Variants in CCDC51 observed in about 807,000 individuals in gnomAD.
CCDC51 encodes the protein coiled-coil domain containing 51, also known as mitochondrial potassium channel.
CCDC51 carries 25 observed loss-of-function variants against 24.8 expected under a neutral mutation model. That is an observed-to-expected ratio of 1.01 (90% confidence interval 0.73 to 1.41). The LOEUF (loss-of-function observed/expected upper bound fraction) is 1.41. CCDC51 is among the 40% of genes most tolerant of loss of function. The probability of loss-of-function intolerance (pLI) is 0.00; values close to 1 mark genes in which losing one functional copy is unlikely to be tolerated. For synonymous variants in CCDC51, 190 were observed against 204.3 expected (o/e 0.93, Z 0.60); for missense variants, 466 against 519.1 (o/e 0.90, Z 0.99).
chr3:48,443,259 A>G (rs913748244), upstream of CCDC51, among the ~76,000 whole-genome samples: 1 of 149,884 alleles, frequency 6.7e-6, no homozygotes, highest in African/African-American at 2.5e-5. Flanking sequence ...AAAAAAAAAA[A>G]AAAAAATGCT....
In CCDC51 at chr3:48,440,003, C is replaced by T; in HGVS notation, c.-24G>A. ...TGCTGTCTACCTGCAGTGCTCTTCC[C>T]GCGCACGGCCACAGGCCTGGTAGGC... On this transcript the variant is annotated 5_prime_UTR_variant, in exon 1 of 4. Transcript: ENST00000395694. 2.0e-6 allele frequency: 1 copy of T among 494,838 alleles called. No individual in the cohort carries two copies. Among genetic ancestry groups the T allele is most frequent in the Non-Finnish European group, 3.6e-6 (1 of 281,274 alleles). The allele number at this position is 494,838 out of a possible 1,614,324, so 30.7% of individuals were successfully genotyped here. A position where few individuals can be genotyped will look rare whatever the true frequency, so the allele number is the denominator to read the frequency against.
rs1290682449 is a variant in CCDC51 at position 48,435,121 on chromosome 3, C to G, written c.8G>C (p.Gly3Ala). The G allele has an allele frequency of 1.3e-6, 2 of 1,577,140 alleles. No individual in the cohort carries two copies. The highest frequency in any genetic ancestry group is 1.3e-5 in the African/African-American group (1 of 74,130). The change falls in exon 2 of 4, where the codon GGG (glycine) becomes GCG (alanine). Residue 3 changes from glycine (G) to alanine (A), a missense_variant. Gly to Ala is a moderately conservative substitution (Grantham distance 60). Transcript: ENST00000395694. The surrounding 1 kb of genome is among the most constrained non-coding windows in gnomAD (Gnocchi z 4.2). Reference protein sequence around the residue: MMGRSPGFAMQHI... With the variant: MMARSPGFAMQHI... ...CTGCATGGCAAACCCAGGGCTGCGC[C>G]CCATCATCCTGAGATCTGTGAGGGG...
chr3:48,440,364 G>C (rs754046882), upstream of CCDC51: 2 of 1,611,710 alleles, frequency 1.2e-6, no homozygotes. Flanking sequence ...TGGGGACCGG[G>C]CGGCAGGGGC....
chr3:48,442,260 CAAAAAA>C (rs199829895), upstream of CCDC51, among the ~76,000 whole-genome samples: 12 of 131,840 alleles, frequency 9.1e-5, no homozygotes, highest in Non-Finnish European at 1.7e-4. Context: ...GACCCTATCT[CAAAAAA>C]AAAAAAAAAA....
At chr3:48,436,774 C>T (rs1402086851) in intron 1 of CCDC51, among the ~76,000 whole-genome samples, 1 of 152,236 alleles carries the variant, frequency 6.6e-6, no homozygotes. Context: ...CCAGCACCTC[C>T]TCTACTAGCT....
At chr3:48,436,297 G>T (rs2039349277) in intron 1 of CCDC51, among the ~76,000 whole-genome samples, 1 of 152,182 alleles carries the variant, frequency 6.6e-6, no homozygotes, top group South Asian at 2.1e-4. Context: ...CTTCCTGATG[G>T]AAGGTGATAT....
chr3:48,443,534 A>AG (rs761737677), upstream of CCDC51, among the ~76,000 whole-genome samples: 58 of 147,624 alleles, frequency 3.9e-4, no homozygotes, highest in Non-Finnish European at 4.0e-4. Context: ...ATTCCATCTC[A>AG]GAAAAAAAAA....
chr3:48,440,644 A>G (rs1158605067), upstream of CCDC51: 17 of 1,607,156 alleles, frequency 1.1e-5, no homozygotes, highest in Non-Finnish European at 1.4e-5. Context: ...TGGGGGCCGA[A>G]TGGAGCTCAA....
rs1212614696 is a variant in CCDC51, at chr3:48,437,775, T to C, written c.-9+2213A>G. 1.3e-5 allele frequency: 2 copies of C among 152,012 alleles called. No homozygotes were observed. The highest frequency in any genetic ancestry group is 2.9e-5 in the Non-Finnish European group (2 of 68,012). The allele number at this position is 152,012 out of a possible 1,614,324, so 9.4% of individuals were successfully genotyped here. ...AAGTTGGAAGAGAACTTCCACAAAC[T>C]CCCACCATACCTTCCCAACCATCAG... On this transcript the variant is annotated intron_variant, in intron 1 of 3. Coordinates refer to ENST00000395694, the MANE Select transcript of CCDC51 (RefSeq NM_001256964.2). This position sits in a 1 kb window ranked among gnomAD's most constrained non-coding sequence, Gnocchi z 4.2.
upstream of CCDC51, chr3:48,440,200 G>C: frequency 6.6e-7 from 1 of 1,512,898 alleles, no homozygotes; most frequent in South Asian, 1.3e-5. Flanking sequence ...TTCCTGACTA[G>C]GAGCCAATCA....
At chr3:48,439,780 C>G (rs987756864) in intron 1 of CCDC51, among the ~76,000 whole-genome samples, 2 of 152,172 alleles carry the variant, frequency 1.3e-5, no homozygotes, top group African/African-American at 4.8e-5. Context: ...CATAGATGAA[C>G]AAACAGAATT....
chr3:48,446,060 A>G, the CCDC51 span, among the ~76,000 whole-genome samples: 2 of 152,072 alleles, frequency 1.3e-5, no homozygotes, highest in South Asian at 4.2e-4. Context: ...CTCAACTTGT[A>G]GGACAGCGCA....
At chr3:48,440,636 G>A, upstream of CCDC51, 1 of 1,609,246 alleles carries the variant, frequency 6.2e-7, no homozygotes, top group Non-Finnish European at 8.5e-7. Flanking sequence ...TGGGTAAGTG[G>A]GGGCCGAATG....
At chr3:48,439,055 C>T (rs1207823807) in intron 1 of CCDC51, among the ~76,000 whole-genome samples, 1 of 152,214 alleles carries the variant, frequency 6.6e-6, no homozygotes, top group Non-Finnish European at 1.5e-5. Flanking sequence ...AAGTCCTGCT[C>T]AAATAGTAGC....
intron 1 of CCDC51, among the ~76,000 whole-genome samples, chr3:48,438,976 C>G (rs2039460460): frequency 6.6e-6 from 1 of 152,176 alleles, no homozygotes; most frequent in African/African-American, 2.4e-5. Context: ...CTGGAACGCA[C>G]CAAGTTGTCC....
Position 48,433,886 on chromosome 3 carries a change from C to T in CCDC51, c.313-15G>A, listed in dbSNP as rs2039269724. 12 of 1,610,250 alleles carry T rather than the reference C, an allele frequency of 7.5e-6. No homozygotes were observed. The South Asian group carries it at 7.7e-5, about 10-fold the overall frequency. ...ACTTTCTCAGCCTGCAAAGAGAAAA[C>T]CGGAGGCCATCTGCACCTTCTCTCC... On this transcript the variant is annotated splice_polypyrimidine_tract_variant and intron_variant, in intron 2 of 3. Coordinates refer to ENST00000395694, the MANE Select transcript of CCDC51 (RefSeq NM_001256964.2). This position sits in a 1 kb window ranked among gnomAD's most constrained non-coding sequence, Gnocchi z 4.4.
At position 48,432,637 on chromosome 3, in the gene CCDC51, C is replaced by G. The variant is rs371226027; in HGVS notation, c.1007G>C (p.Gly336Ala). 6.2e-6 allele frequency: 10 copies of G among 1,614,140 alleles called. No homozygotes were observed. In the African/African-American group the frequency reaches 1.2e-4, roughly 19 times the overall value. The change falls in exon 4 of 4, where the codon GGG becomes GCG. Residue 336 changes from glycine to alanine, a missense_variant. By Grantham distance (60) the Gly-to-Ala change is moderately conservative. Transcript: ENST00000395694. The stretch of plus-strand genomic sequence containing the variant: ...TGCAGACTTTACAAGCTGAACCACC[C>G]CAGCCATTTGGCTACAAGTCTTTTC... ...GLEKTCSQMA[G>A]VVQLVKSAAH...
At chr3:48,436,790 T>C (rs554364003) in intron 1 of CCDC51, among the ~76,000 whole-genome samples, 1 of 152,296 alleles carries the variant, frequency 6.6e-6, no homozygotes, top group African/African-American at 2.4e-5. Flanking sequence ...TAGCTGCCCA[T>C]TTTTAGACCC....
At chr3:48,444,540 T>C (rs1428648410), upstream of CCDC51, among the ~76,000 whole-genome samples, 2 of 152,224 alleles carry the variant, frequency 1.3e-5, no homozygotes, top group Admixed American at 6.5e-5. Context: ...CCCAAAGTGC[T>C]GGGATTACAG....
Sources: allele counts gnomAD v4.1 joint callset (sites outside exome capture counted in the v4.1 genomes callset), GRCh38; gene constraint gnomAD v4.1.1; non-coding constraint Gnocchi (gnomAD v3.1); transcripts MANE v1.5; gene names NCBI Gene and HGNC (gene_info 2026-07-23, HGNC 2026-07-21).